SMCHD1: variants seen among roughly 807,000 people sequenced by gnomAD.
SMCHD1 encodes structural maintenance of chromosomes flexible hinge domain-containing protein 1.
Under a neutral mutation model 254.7 loss-of-function variants are expected in SMCHD1, and 78 were observed. The ratio of observed to expected loss-of-function variants is 0.31; its 90% CI spans 0.26 to 0.37. SMCHD1 has a LOEUF of 0.37. SMCHD1 is among the 10% of genes least tolerant of loss of function. SMCHD1 has a pLI of 1.00. For synonymous variants in SMCHD1, 766 were observed against 794.9 expected, an observed-to-expected ratio of 0.96 and a Z score of 0.61; for missense variants, 1,840 against 2,408.1, an observed-to-expected ratio of 0.76 and a Z score of 4.94.
intron 1 of SMCHD1, among the ~76,000 whole-genome samples, chr18:2,659,194 T>C (rs1274564201): frequency 6.6e-6 from 1 of 152,228 alleles, no homozygotes; most frequent in African/African-American, 2.4e-5. Context: ...CTTGGCTTAC[T>C]GCAACCTCTG....
chr18:2,697,894 A>C lies in SMCHD1; in HGVS notation c.1195A>C (p.Met399Leu). Residue 399 changes from methionine to leucine, a missense_variant, in exon 10 of 48, where the codon ATG becomes CTG. Transcript: ENST00000320876. Reference sequence around the variant, plus strand: ...CAACCTAAGGGAAATACAAGACGACATGCAGACGTTGTATGTAAACACAGC... The same window carrying C: ...CAACCTAAGGGAAATACAAGACGACCTGCAGACGTTGTATGTAAACACAGC... ...IVNLREIQDD[M>L]QTLYVNTAAD... The C allele has an allele frequency of 6.2e-7, 1 of 1,613,748 alleles. No homozygotes were observed. Among genetic ancestry groups the C allele is most frequent in the Non-Finnish European group, 8.5e-7 (1 of 1,179,716 alleles).
chr18:2,688,220 G>C (rs1194608346), intron 5 of SMCHD1, among the ~76,000 whole-genome samples, 174 bp from the exon 6 acceptor site: 1 of 152,218 alleles, frequency 6.6e-6, no homozygotes, highest in Non-Finnish European at 1.5e-5. Context: ...CTGGCCTGGG[G>C]ACTACACTTT....
chr18:2,704,868 C>G (rs2074480358), intron 13 of SMCHD1, among the ~76,000 whole-genome samples: 1 of 152,000 alleles, frequency 6.6e-6, no homozygotes, highest in African/African-American at 2.4e-5. Context: ...GAGCCTGGAG[C>G]TTTCCCAACA....
At chr18:2,725,423 T>C (rs998350351) in intron 21 of SMCHD1, among the ~76,000 whole-genome samples, 4 of 151,848 alleles carry the variant, frequency 2.6e-5, no homozygotes, top group African/African-American at 9.7e-5. Context: ...CACTTTGGTA[T>C]TTAGATAAAA....
intron 1 of SMCHD1, among the ~76,000 whole-genome samples, chr18:2,660,527 G>A (rs910586624): frequency 7.0e-6 from 1 of 142,404 alleles, no homozygotes; most frequent in Admixed American, 7.2e-5. Context: ...AGGCTGGAGT[G>A]CAGTGGCGCA....
intron 29 of SMCHD1, among the ~76,000 whole-genome samples, chr18:2,745,752 A>G (rs2075442734): frequency 6.6e-6 from 1 of 152,224 alleles, no homozygotes; most frequent in African/African-American, 2.4e-5. Flanking sequence ...TGTTAGCTCA[A>G]AAATTTATTA....
intron 15 of SMCHD1, among the ~76,000 whole-genome samples, chr18:2,707,070 A>G (rs1348615907): frequency 6.6e-6 from 1 of 152,208 alleles, no homozygotes; most frequent in Non-Finnish European, 1.5e-5. Flanking sequence ...CTGTGATCCA[A>G]TCACCGCCCA....
At chr18:2,750,733 A>G (rs548019117) in intron 32 of SMCHD1, among the ~76,000 whole-genome samples, 3 of 152,256 alleles carry the variant, frequency 2.0e-5, no homozygotes, top group Non-Finnish European at 2.9e-5. Context: ...ATGAATCCCT[A>G]TACATAGTTT....
Position 2,707,512 on chromosome 18 carries a change from G to T in SMCHD1, c.2064-51G>T, listed in dbSNP as rs192545061. On this transcript the variant is annotated intron_variant, in intron 15 of 47. Coordinates refer to ENST00000320876, the MANE Select transcript of SMCHD1 (RefSeq NM_015295.3). ...TAATAACTCGTATCTTTTTAATTAA[G>T]ATCATAATTAACAAAGTTTGTGGAA... 1.4e-3 allele frequency: 1,511 copies of T among 1,084,100 alleles called. 2 individuals are homozygous for T. The highest frequency in any genetic ancestry group is 1.7e-3 in the Non-Finnish European group (1,225 of 730,480). 67.2% of individuals were successfully genotyped at this position (1,084,100 alleles called of 1,614,324 possible).
At chr18:2,702,360 T>C (rs1047237774) in intron 12 of SMCHD1, 2 of 151,116 alleles carry the variant, frequency 1.3e-5, no homozygotes, top group East Asian at 3.9e-4. Context: ...ATAAAGTGAA[T>C]ATCTGCATAC....
intron 5 of SMCHD1, among the ~76,000 whole-genome samples, chr18:2,687,069 T>C (rs551693513): frequency 6.6e-6 from 1 of 152,144 alleles, no homozygotes; most frequent in African/African-American, 2.4e-5. Context: ...TTTAAAATAT[T>C]TTCCTTCCCC....
rs764557149 is a variant in SMCHD1, at chr18:2,796,532, T to G, written c.5993+11T>G. ...TACAAGACAAAATAGGTGAGTTTGT[T>G]TGACCTGAGAATTATGCTTGGTTAG... is the stretch of plus-strand genomic sequence containing the variant. On this transcript the variant is annotated intron_variant, in intron 47 of 47. Transcript: ENST00000320876. 1 of 1,519,726 alleles carries G rather than the reference T, an allele frequency of 6.6e-7. No homozygotes were observed. The highest frequency in any genetic ancestry group is 9.0e-7 in the Non-Finnish European group (1 of 1,108,162). 94.1% of individuals were successfully genotyped at this position (1,519,726 alleles called of 1,614,324 possible).
intron 25 of SMCHD1, 47 bp from the exon 26 acceptor site, chr18:2,738,350 A>T: frequency 8.6e-7 from 1 of 1,159,116 alleles, no homozygotes; most frequent in Non-Finnish European, 1.2e-6. Context: ...CAGTAAGAGA[A>T]CATTAGACGA....
At chr18:2,678,361 CA>C (rs2073822155) in intron 5 of SMCHD1, among the ~76,000 whole-genome samples, 1 of 147,762 alleles carries the variant, frequency 6.8e-6, no homozygotes, top group African/African-American at 2.5e-5. Flanking sequence ...AGTGCAATGG[CA>C]CAATCTTGGC....
At chr18:2,656,483 G>A (rs979960812) in intron 1 of SMCHD1, among the ~76,000 whole-genome samples, 23 of 152,254 alleles carry the variant, frequency 1.5e-4, no homozygotes, top group Non-Finnish European at 8.8e-5. Context: ...CTCCCCCGTG[G>A]CCCTCCCTCT....
chr18:2,659,254 A>G (rs1014793046), intron 1 of SMCHD1, among the ~76,000 whole-genome samples: 15 of 152,184 alleles, frequency 9.9e-5, no homozygotes, highest in African/African-American at 3.4e-4. Context: ...AGTAGCTGGG[A>G]TTACAGGTGC....
intron 5 of SMCHD1, among the ~76,000 whole-genome samples, chr18:2,684,732 T>TGTGTGTGTGTGTGTGTGTGTGA (rs534087695): frequency 2.6e-5 from 4 of 151,014 alleles, no homozygotes; most frequent in African/African-American, 7.3e-5. Context: ...TGTGTGTGTG[T>TGTGTGTGTGTGTGTGTGTGTGA]GATTCCATTT....
At position 2,728,557 on chromosome 18, in the gene SMCHD1, C is replaced by A; in HGVS notation, c.2874C>A (p.Asp958Glu). 1.2e-6 allele frequency: 2 copies of A among 1,613,010 alleles called. No individual in the cohort carries two copies. The highest frequency in any genetic ancestry group is 1.3e-5 in the African/African-American group (1 of 74,962). The change falls in exon 23 of 48, where the codon GAC (aspartate) becomes GAA (glutamate). Residue 958 changes from aspartate to glutamate, a missense_variant. Physicochemically the swap from Asp to Glu is conservative, Grantham distance 45. This residue lies in a region of SMCHD1 where 881 missense variants were observed against 1,009.5 expected (regional missense o/e 0.87). Transcript: ENST00000320876. Reference sequence around the variant, plus strand: ...AGGTGGAAGTTTTAGATGAATCAGACAACATAACAGCACAACCAAAATTGA... The same window carrying A: ...AGGTGGAAGTTTTAGATGAATCAGAAAACATAACAGCACAACCAAAATTGA... ...PFQVEVLDESDNITAQPKLIV... is the reference protein window; with the variant it reads ...PFQVEVLDESENITAQPKLIV...
At chr18:2,689,917 A>G (rs2074138293) in intron 7 of SMCHD1, among the ~76,000 whole-genome samples, 3 of 151,000 alleles carry the variant, frequency 2.0e-5, no homozygotes, top group South Asian at 2.1e-4. Flanking sequence ...CCAGCAGCTC[A>G]GCAGGCTGAG....
Sources: allele counts gnomAD v4.1 joint callset (sites outside exome capture counted in the v4.1 genomes callset), GRCh38; gene constraint gnomAD v4.1.1; regional missense constraint gnomAD v4.1.1; transcripts MANE v1.5; gene names NCBI Gene and HGNC (gene_info 2026-07-23, HGNC 2026-07-21).